NKAPL: variants seen among roughly 807,000 people sequenced by gnomAD.
NKAPL encodes NKAP-like protein.
A neutral mutation model predicts 14.7 loss-of-function variants in NKAPL; 7 were observed. The ratio of observed to expected loss-of-function variants is 0.48; its 90% CI spans 0.27 to 0.89. NKAPL has a LOEUF of 0.89. NKAPL is among the 40% of genes least tolerant of loss of function. The pLI is 0.12. For missense variants in NKAPL, 466 were observed against 494.1 expected (o/e 0.94, Z 0.54); for synonymous variants, 192 against 179.9 (o/e 1.07, Z -0.54).
rs1581599715 is a variant in NKAPL, at chr6:28,260,631, C to T, written c.*51C>T. 1.9e-6 allele frequency: 3 copies of T among 1,565,744 alleles called. No homozygotes were observed. The highest frequency in any genetic ancestry group is 1.4e-5 in the African/African-American group (1 of 73,186). On this transcript the variant is annotated 3_prime_UTR_variant, in exon 1 of 1. Coordinates refer to ENST00000343684, the MANE Select transcript of NKAPL (RefSeq NM_001007531.3). ...TTTTAACAACAAAAATTTTATGTGA[C>T]CAAAAGTGTTAAAAGGCTTTACAGT...
chr6:28,260,558 CAAAAGA>C lies in NKAPL; in HGVS notation c.1188_1193del (p.Glu398_Lys399del), dbSNP rs1467481120. 9.3e-6 allele frequency: 15 copies of C among 1,612,114 alleles called. No homozygotes were observed. The highest frequency in any genetic ancestry group is 1.1e-5 in the Non-Finnish European group (13 of 1,179,318). ...TTCCGAGAGATGGTGCACAAAAAGA[CAAAAGA>C]GAAAGATGACAAGTAAGGACTTACT... On this transcript the variant is annotated inframe_deletion, in exon 1 of 1. Coordinates refer to ENST00000343684, the MANE Select transcript of NKAPL (RefSeq NM_001007531.3).
rs1473481699 is a variant in NKAPL at position 28,260,341 on chromosome 6, A to G, written c.970A>G (p.Ile324Val). The change falls in exon 1 of 1, where the codon ATT becomes GTT. Residue 324 changes from isoleucine (I) to valine (V), a missense_variant. Physicochemically the swap from Ile to Val is conservative, Grantham distance 29. Coordinates refer to ENST00000343684, the MANE Select transcript of NKAPL (RefSeq NM_001007531.3). Reference sequence around the variant, plus strand: ...AAAGCGAATCCCACGAAGAGGTGAAATTGGGTTGACAAGTGAAGAGATCGG... The same window carrying G: ...AAAGCGAATCCCACGAAGAGGTGAAGTTGGGTTGACAAGTGAAGAGATCGG... ...AGKRIPRRGE[I>V]GLTSEEIGSF... 6.2e-7 allele frequency: 1 copy of G among 1,614,204 alleles called. No individual in the cohort carries two copies. The highest frequency in any genetic ancestry group is 1.7e-5 in the Admixed American group (1 of 60,026).
At position 28,260,480 on chromosome 6, in the gene NKAPL, C is replaced by A; in HGVS notation, c.1109C>A (p.Ala370Glu). 6.2e-7 allele frequency: 1 copy of A among 1,614,042 alleles called. No individual in the cohort carries two copies. Among genetic ancestry groups the A allele is most frequent in the Non-Finnish European group, 8.5e-7 (1 of 1,179,992 alleles). Residue 370 changes from alanine to glutamate, a missense_variant, in exon 1 of 1, where the codon GCA becomes GAA. Physicochemically the swap from Ala to Glu is moderately radical, Grantham distance 107. Coordinates refer to ENST00000343684, the MANE Select transcript of NKAPL (RefSeq NM_001007531.3). The stretch of plus-strand genomic sequence containing the variant: ...AGTGCTGATGAGAAGAGAGCTCTTG[C>A]ATCCTTTAACCAAGAAGAGAGACGA... ...IYSADEKRALASFNQEERRKR... is the reference protein window; with the variant it reads ...IYSADEKRALESFNQEERRKR...
chr6:28,260,882 A>T lies in NKAPL; in HGVS notation c.*302A>T, dbSNP rs1159820335. 1 of 254,044 alleles carries T rather than the reference A, an allele frequency of 3.9e-6. No individual in the cohort carries two copies. Among genetic ancestry groups the T allele is most frequent in the Non-Finnish European group, 8.1e-6 (1 of 123,908 alleles). The allele number at this position is 254,044 out of a possible 1,614,324, so 15.7% of individuals were successfully genotyped here. The stretch of plus-strand genomic sequence containing the variant: ...TATTTTGGTGTCTTATATACAGAAT[A>T]TACATTCTGTGCATATACAAGAGTA... On this transcript the variant is annotated 3_prime_UTR_variant, in exon 1 of 1. Transcript: ENST00000343684.
In NKAPL at chr6:28,260,260, G is replaced by A. The variant is rs1249118170; in HGVS notation, c.889G>A (p.Gly297Ser). 6.2e-7 allele frequency: 1 copy of A among 1,614,140 alleles called. No homozygotes were observed. The highest frequency in any genetic ancestry group is 1.7e-5 in the Admixed American group (1 of 60,024). Reference sequence around the variant, plus strand: ...TCAAGATGAAAAACCTTTGAAGTATGGCCATGCTTTGCTTCCCGGTGAAGG... The same window carrying A: ...TCAAGATGAAAAACCTTTGAAGTATAGCCATGCTTTGCTTCCCGGTGAAGG... ...TSQDEKPLKY[G>S]HALLPGEGAA... is the part of the protein sequence containing the mutation. The change falls in exon 1 of 1, where the codon GGC (glycine) becomes AGC (serine). Residue 297 changes from glycine (G) to serine (S), a missense_variant. Transcript: ENST00000343684.
rs779615798 is a variant in NKAPL, at chr6:28,260,832, CT to C, written c.*253del. The C allele has an allele frequency of 1.8e-4, 70 of 395,102 alleles. No homozygotes were observed. The highest frequency in any genetic ancestry group is 3.2e-4 in the Non-Finnish European group (68 of 213,134). 24.5% of individuals were successfully genotyped at this position (395,102 alleles called of 1,614,324 possible). ...AAAAGTGAATCTTTCACTTTAGCCCCTGACACCTTTCCCCCAAAAATATATA... is the reference window on the plus strand; with the variant it reads ...AAAAGTGAATCTTTCACTTTAGCCCCGACACCTTTCCCCCAAAAATATATA... On this transcript the variant is annotated 3_prime_UTR_variant, in exon 1 of 1. Transcript: ENST00000343684.
At position 28,260,136 on chromosome 6, in the gene NKAPL, C is replaced by T; in HGVS notation, c.765C>T (p.Asp255=). 1 of 1,611,018 alleles carries T rather than the reference C, an allele frequency of 6.2e-7. No homozygotes were observed. The highest frequency in any genetic ancestry group is 8.5e-7 in the Non-Finnish European group (1 of 1,178,938). Residue 255 remains aspartate (D), a synonymous_variant, in exon 1 of 1, where the codon GAC becomes GAT. Coordinates refer to ENST00000343684, the MANE Select transcript of NKAPL (RefSeq NM_001007531.3). ...KKESSDSSCK[D]SEEDLSEATW... is the part of the protein sequence containing the mutation. ...AATCCAGTGACTCAAGCTGTAAAGA[C>T]TCAGAAGAGGACTTGTCAGAAGCTA...
chr6:28,260,712 T>C lies in NKAPL; in HGVS notation c.*132T>C. On this transcript the variant is annotated 3_prime_UTR_variant, in exon 1 of 1. Transcript: ENST00000343684. ...TCAGGAAAAAGCTTCTTTTGAGATA[T>C]CTTTAGCAGCTTATTTTTTGTTATT... 1 of 1,078,476 alleles carries C rather than the reference T, an allele frequency of 9.3e-7. No homozygotes were observed. Among genetic ancestry groups the C allele is most frequent in the Non-Finnish European group, 1.3e-6 (1 of 775,250 alleles). 66.8% of individuals were successfully genotyped at this position (1,078,476 alleles called of 1,614,324 possible). A position where few individuals can be genotyped will look rare whatever the true frequency, so the allele number is the denominator to read the frequency against.
At position 28,259,663 on chromosome 6, in the gene NKAPL, C is replaced by G. The variant is rs1355044313; in HGVS notation, c.292C>G (p.Arg98Gly). ...STSYSGYRYH[R>G]HCYAEERQSA... ...CTCGTATAGTGGATATCGCTACCAT[C>G]GTCACTGCTATGCAGAAGAACGGCA... is the stretch of plus-strand genomic sequence containing the variant. The change falls in exon 1 of 1, where the codon CGT becomes GGT. Residue 98 changes from arginine to glycine, a missense_variant. Coordinates refer to ENST00000343684, the MANE Select transcript of NKAPL (RefSeq NM_001007531.3). The G allele has an allele frequency of 6.2e-7, 1 of 1,614,116 alleles. No individual in the cohort carries two copies. Among genetic ancestry groups the G allele is most frequent in the African/African-American group, 1.3e-5 (1 of 74,954 alleles).
At position 28,259,783 on chromosome 6, in the gene NKAPL, G is replaced by A; in HGVS notation, c.412G>A (p.Gly138Arg). Residue 138 changes from glycine (G) to arginine (R), a missense_variant, in exon 1 of 1, where the codon GGG becomes AGG. Physicochemically the swap from Gly to Arg is moderately radical, Grantham distance 125. Coordinates refer to ENST00000343684, the MANE Select transcript of NKAPL (RefSeq NM_001007531.3). ...IGELGAPEVWGPSPKFPQLDS... is the reference protein window; with the variant it reads ...IGELGAPEVWRPSPKFPQLDS... ...GGAATTGGGAGCGCCTGAAGTGTGG[G>A]GGCCGTCTCCAAAGTTCCCTCAGCT... is the stretch of plus-strand genomic sequence containing the variant. The A allele has an allele frequency of 1.2e-6, 2 of 1,614,190 alleles. No individual in the cohort carries two copies. Among genetic ancestry groups the A allele is most frequent in the Non-Finnish European group, 1.7e-6 (2 of 1,180,032 alleles).
At position 28,260,058 on chromosome 6, in the gene NKAPL, G is replaced by T. The variant is rs1483503854; in HGVS notation, c.687G>T (p.Lys229Asn). 1.9e-6 allele frequency: 3 copies of T among 1,579,262 alleles called. No individual in the cohort carries two copies. The highest frequency in any genetic ancestry group is 1.4e-5 in the African/African-American group (1 of 72,454). The stretch of plus-strand genomic sequence containing the variant: ...AGAGAGTTAAAGCCAAGAAGAAAAA[G>T]AAGAAAAAGAAACACAAAACAAAGA... The part of the protein sequence containing the change: ...DKKRVKAKKK[K>N]KKKKHKTKKK... The change falls in exon 1 of 1, where the codon AAG becomes AAT. Residue 229 changes from lysine to asparagine, a missense_variant. By Grantham distance (94) the Lys-to-Asn change is moderately conservative. Transcript: ENST00000343684.
chr6:28,259,641 G>A lies in NKAPL; in HGVS notation c.270G>A (p.Ser90=). Residue 90 remains serine (S), a synonymous_variant, in exon 1 of 1, where the codon TCG becomes TCA. Coordinates refer to ENST00000343684, the MANE Select transcript of NKAPL (RefSeq NM_001007531.3). ...NYAFASSWST[S]YSGYRYHRHC... Reference sequence around the variant, plus strand: ...CCTTCGCGTCCTCCTGGTCGACCTCGTATAGTGGATATCGCTACCATCGTC... The same window carrying A: ...CCTTCGCGTCCTCCTGGTCGACCTCATATAGTGGATATCGCTACCATCGTC... The A allele has an allele frequency of 6.2e-7, 1 of 1,614,240 alleles. No homozygotes were observed. Among genetic ancestry groups the A allele is most frequent in the Non-Finnish European group, 8.5e-7 (1 of 1,180,050 alleles).
At position 28,260,241 on chromosome 6, in the gene NKAPL, T is replaced by A; in HGVS notation, c.870T>A (p.Asp290Glu). Residue 290 changes from aspartate to glutamate, a missense_variant, in exon 1 of 1, where the codon GAT (aspartate) becomes GAA (glutamate). By Grantham distance (45) the Asp-to-Glu change is conservative. Coordinates refer to ENST00000343684, the MANE Select transcript of NKAPL (RefSeq NM_001007531.3). Reference protein sequence around the residue: ...PEAPIIHTSQDEKPLKYGHAL... With the variant: ...PEAPIIHTSQEEKPLKYGHAL... ...CACCTATAATACATACCTCTCAAGA[T>A]GAAAAACCTTTGAAGTATGGCCATG... 2 of 1,614,108 alleles carry A rather than the reference T, an allele frequency of 1.2e-6. No homozygotes were observed. Among genetic ancestry groups the A allele is most frequent in the Non-Finnish European group, 1.7e-6 (2 of 1,180,024 alleles).
chr6:28,259,529 C>T lies in NKAPL; in HGVS notation c.158C>T (p.Pro53Leu). 1 of 1,614,232 alleles carries T rather than the reference C, an allele frequency of 6.2e-7. No individual in the cohort carries two copies. The highest frequency in any genetic ancestry group is 8.5e-7 in the Non-Finnish European group (1 of 1,180,024). Residue 53 changes from proline to leucine, a missense_variant, in exon 1 of 1, where the codon CCT (proline) becomes CTT (leucine). Transcript: ENST00000343684. ...SHSRGREGLR[P>L]PWSELDVGAL... The stretch of plus-strand genomic sequence containing the variant: ...TCCCGCGGCCGTGAGGGCCTCAGGC[C>T]TCCTTGGAGTGAGTTGGACGTGGGC...
In NKAPL at chr6:28,259,852, A is replaced by C; in HGVS notation, c.481A>C (p.Thr161Pro). 1.2e-6 allele frequency: 2 copies of C among 1,614,182 alleles called. No individual in the cohort carries two copies. Among genetic ancestry groups the C allele is most frequent in the Non-Finnish European group, 1.7e-6 (2 of 1,180,042 alleles). The change falls in exon 1 of 1, where the codon ACG becomes CCG. Residue 161 changes from threonine to proline, a missense_variant. Coordinates refer to ENST00000343684, the MANE Select transcript of NKAPL (RefSeq NM_001007531.3). ...CCCAGTTGAGGATGAAGAAGAGGTA[A>C]CGCATCAGAAAAGCAGCAGTTCAGA... ...HTPVEDEEEV[T>P]HQKSSSSDSN...
chr6:28,259,780 T>TG lies in NKAPL; in HGVS notation c.414dup (p.Pro139AlafsTer11). 1 of 1,614,084 alleles carries TG rather than the reference T, an allele frequency of 6.2e-7. No homozygotes were observed. Among genetic ancestry groups the TG allele is most frequent in the Non-Finnish European group, 8.5e-7 (1 of 1,180,022 alleles). On this transcript the variant is annotated frameshift_variant, in exon 1 of 1. Coordinates refer to ENST00000343684, the MANE Select transcript of NKAPL (RefSeq NM_001007531.3). LOFTEE classifies it low-confidence loss of function (END_TRUNC). The stretch of plus-strand genomic sequence containing the variant: ...TGGGGAATTGGGAGCGCCTGAAGTG[T>TG]GGGGGCCGTCTCCAAAGTTCCCTCA...
In NKAPL at chr6:28,259,581, G is replaced by A. The variant is rs763045626; in HGVS notation, c.210G>A (p.Gly70=). ...VGALYPFSRS[G]SRGRLPRFRN... ...CTCTTTACCCCTTTAGTCGCTCTGG[G>A]TCGCGAGGGCGGCTCCCAAGATTCC... The change falls in exon 1 of 1, where the codon GGG becomes GGA. Residue 70 remains glycine, a synonymous_variant. Coordinates refer to ENST00000343684, the MANE Select transcript of NKAPL (RefSeq NM_001007531.3). 10 of 1,613,962 alleles carry A rather than the reference G, an allele frequency of 6.2e-6. No individual in the cohort carries two copies. The highest frequency in any genetic ancestry group is 8.5e-6 in the Non-Finnish European group (10 of 1,179,914).
chr6:28,260,180 A>C lies in NKAPL; in HGVS notation c.809A>C (p.Asn270Thr). Residue 270 changes from asparagine (N) to threonine (T), a missense_variant, in exon 1 of 1, where the codon AAT becomes ACT. By Grantham distance (65) the Asn-to-Thr change is moderately conservative. Transcript: ENST00000343684. Reference sequence around the variant, plus strand: ...GAAGCTACCTGGATGGAGCAGCCAAATGTGGCAGATACTATGGATTTAATA... The same window carrying C: ...GAAGCTACCTGGATGGAGCAGCCAACTGTGGCAGATACTATGGATTTAATA... Reference protein sequence around the residue: ...LSEATWMEQPNVADTMDLIGP... With the variant: ...LSEATWMEQPTVADTMDLIGP... 6.2e-7 allele frequency: 1 copy of C among 1,614,132 alleles called. No individual in the cohort carries two copies.
Position 28,260,149 on chromosome 6 carries a change from T to C in NKAPL, c.778T>C (p.Leu260=), listed in dbSNP as rs765947587. ...AAGCTGTAAAGACTCAGAAGAGGAC[T>C]TGTCAGAAGCTACCTGGATGGAGCA... is the stretch of plus-strand genomic sequence containing the variant. ...DSSCKDSEED[L]SEATWMEQPN... Residue 260 remains leucine (L), a synonymous_variant, in exon 1 of 1, where the codon TTG becomes CTG. Transcript: ENST00000343684. 1 of 1,613,312 alleles carries C rather than the reference T, an allele frequency of 6.2e-7. No homozygotes were observed. Among genetic ancestry groups the C allele is most frequent in the Non-Finnish European group, 8.5e-7 (1 of 1,179,656 alleles).
Sources: allele counts gnomAD v4.1 joint callset, GRCh38; gene constraint gnomAD v4.1.1; transcripts MANE v1.5; gene names NCBI Gene and HGNC (gene_info 2026-07-23, HGNC 2026-07-21).